Variants in ZDHHC7 observed in about 807,000 individuals in gnomAD.
The protein encoded by ZDHHC7 is palmitoyltransferase ZDHHC7.
ZDHHC7 carries 12 observed loss-of-function variants against 34.1 expected under a neutral mutation model. That is an observed-to-expected ratio of 0.35 (90% confidence interval 0.23 to 0.57). The LOEUF (loss-of-function observed/expected upper bound fraction) is 0.57. Ranked by LOEUF, ZDHHC7 falls within the 20% of genes least tolerant of loss-of-function variation. ZDHHC7 has a pLI of 0.84. For synonymous variants in ZDHHC7, 185 were observed against 155.4 expected, an observed-to-expected ratio of 1.19 and a Z score of -1.42; for missense variants, 388 against 402.7, an observed-to-expected ratio of 0.96 and a Z score of 0.31.
At chr16:84,977,446 G>T (rs1044122016) in intron 6 of ZDHHC7, among the ~76,000 whole-genome samples, 2 of 152,188 alleles carry the variant, frequency 1.3e-5, no homozygotes, top group African/African-American at 2.4e-5. Flanking sequence ...GGTTTCAAAA[G>T]AGTCTGTATT....
chr16:84,984,376 T>C (rs2072410004), intron 3 of ZDHHC7, among the ~76,000 whole-genome samples: 1 of 152,156 alleles, frequency 6.6e-6, no homozygotes, highest in South Asian at 2.1e-4. Context: ...ACTGCTTTGA[T>C]TTATAAAATT....
chr16:84,989,396 T>C (rs1391468292), intron 3 of ZDHHC7, among the ~76,000 whole-genome samples: 3 of 152,208 alleles, frequency 2.0e-5, no homozygotes, highest in African/African-American at 7.2e-5. Flanking sequence ...TTTCAGTTTA[T>C]TCTCAAAAAA....
intron 3 of ZDHHC7, among the ~76,000 whole-genome samples, chr16:84,984,995 C>T (rs955360550): frequency 4.6e-5 from 7 of 152,250 alleles, no homozygotes; most frequent in African/African-American, 1.7e-4. Flanking sequence ...CAGAACAAAC[C>T]TTCCAAGTAA....
the ZDHHC7 span, among the ~76,000 whole-genome samples, chr16:85,017,810 A>G: frequency 6.6e-6 from 1 of 152,204 alleles, no homozygotes; most frequent in South Asian, 2.1e-4. Context: ...TTTATTGCAA[A>G]GGGAAAAGTA....
chr16:84,992,441 CCAGCCTAGT>C (rs1468944263), intron 2 of ZDHHC7, among the ~76,000 whole-genome samples: 1 of 152,196 alleles, frequency 6.6e-6, no homozygotes, highest in Non-Finnish European at 1.5e-5. Context: ...CCACGGCACT[CCAGCCTAGT>C]GACAGAGTGA....
intron 3 of ZDHHC7, among the ~76,000 whole-genome samples, chr16:84,989,734 C>G (rs1338488177): frequency 6.7e-6 from 1 of 150,122 alleles, no homozygotes; most frequent in Non-Finnish European, 1.5e-5. Context: ...TTATTAACGT[C>G]TGGGTACCTT....
chr16:84,980,052 C>A (rs1211358180), intron 4 of ZDHHC7, among the ~76,000 whole-genome samples: 2 of 150,534 alleles, frequency 1.3e-5, no homozygotes, highest in Non-Finnish European at 2.9e-5. Context: ...GCTCTGCCTC[C>A]CGGGTTCACG....
At position 84,976,222 on chromosome 16, in the gene ZDHHC7, A is replaced by T; in HGVS notation, c.*121T>A. The T allele has an allele frequency of 8.0e-7, 1 of 1,256,642 alleles. No individual in the cohort carries two copies. Among genetic ancestry groups the T allele is most frequent in the South Asian group, 1.4e-5 (1 of 72,524 alleles). 77.8% of individuals were successfully genotyped at this position (1,256,642 alleles called of 1,614,324 possible). On this transcript the variant is annotated 3_prime_UTR_variant, in exon 8 of 8. Transcript: ENST00000313732. ...AATATATAAAACTCTGCTTGCTGCAAGCAATTGGTTTGTGTAGGTTCCAGT... is the reference window on the plus strand; with the variant it reads ...AATATATAAAACTCTGCTTGCTGCATGCAATTGGTTTGTGTAGGTTCCAGT...
intron 3 of ZDHHC7, among the ~76,000 whole-genome samples, chr16:84,987,335 G>A (rs1322998703): frequency 6.6e-6 from 1 of 152,222 alleles, no homozygotes; most frequent in African/African-American, 2.4e-5. Context: ...GAGATACACA[G>A]CAAAGACAGT....
chr16:84,990,199 C>A (rs1368839613), intron 3 of ZDHHC7, 105 bp downstream of exon 3: 7 of 1,316,530 alleles, frequency 5.3e-6, no homozygotes, highest in Non-Finnish European at 7.3e-6. Flanking sequence ...GTTCCACACC[C>A]ATGTCAATAT....
intron 1 of ZDHHC7, among the ~76,000 whole-genome samples, chr16:85,004,630 T>C (rs911984394): frequency 6.8e-6 from 1 of 146,824 alleles, no homozygotes; most frequent in African/African-American, 2.4e-5. Flanking sequence ...TGGCTGCTTG[T>C]TCTGCCATCA....
Position 85,011,468 on chromosome 16 carries a change from C to G in ZDHHC7, c.-286G>C, listed in dbSNP as rs1414839135. 1 of 152,180 alleles carries G rather than the reference C, an allele frequency of 6.6e-6. No homozygotes were observed. The highest frequency in any genetic ancestry group is 1.5e-5 in the Non-Finnish European group (1 of 67,996). 9.4% of individuals were successfully genotyped at this position (152,180 alleles called of 1,614,324 possible). A position where few individuals can be genotyped will look rare whatever the true frequency, so the allele number is the denominator to read the frequency against. On this transcript the variant is annotated 5_prime_UTR_variant, in exon 1 of 8. Coordinates refer to ENST00000313732, the MANE Select transcript of ZDHHC7 (RefSeq NM_017740.3). ...TCCCGCCGGGCAGGTCGGAAGGAGG[C>G]TGCAGCCAAGCAAATGCCTCAGCCC...
intron 1 of ZDHHC7, among the ~76,000 whole-genome samples, chr16:84,999,419 T>C (rs2143702817): frequency 6.6e-6 from 1 of 152,302 alleles, no homozygotes; most frequent in East Asian, 1.9e-4. Flanking sequence ...TGTCCGATAC[T>C]GTTCACAGCA....
chr16:84,977,917 A>C lies in ZDHHC7; in HGVS notation c.619+7T>G, dbSNP rs1412986625. On this transcript the variant is annotated splice_region_variant and intron_variant, in intron 6 of 7. Coordinates refer to ENST00000313732, the MANE Select transcript of ZDHHC7 (RefSeq NM_017740.3). ...AGCCAGGAATGACACATAGCCAGGG[A>C]ACTTACCAGTCCACTGCCCTCGGAC... 1 of 1,610,614 alleles carries C rather than the reference A, an allele frequency of 6.2e-7. No individual in the cohort carries two copies. Among genetic ancestry groups the C allele is most frequent in the Non-Finnish European group, 8.5e-7 (1 of 1,176,978 alleles).
chr16:85,005,655 G>C (rs996132730), intron 1 of ZDHHC7, among the ~76,000 whole-genome samples: 1 of 152,182 alleles, frequency 6.6e-6, no homozygotes, highest in Non-Finnish European at 1.5e-5. Flanking sequence ...TTGAATGTTG[G>C]AAATATGGAA....
intron 1 of ZDHHC7, among the ~76,000 whole-genome samples, chr16:84,997,538 TG>T (rs1340999976): frequency 1.1e-4 from 16 of 150,642 alleles, no homozygotes. Flanking sequence ...CCCAAAGTGC[TG>T]GGATTAAAGG....
chr16:84,989,910 G>A (rs1346921999), intron 3 of ZDHHC7, among the ~76,000 whole-genome samples: 2 of 152,148 alleles, frequency 1.3e-5, no homozygotes, highest in African/African-American at 2.4e-5. Context: ...GCCTGCAGCT[G>A]CTGGGCGTCT....
the ZDHHC7 span, among the ~76,000 whole-genome samples, chr16:85,017,585 C>T: frequency 1.3e-5 from 2 of 152,118 alleles, no homozygotes; most frequent in Non-Finnish European, 2.9e-5. Context: ...TAAATTGTGG[C>T]GTATTTGTGC....
chr16:84,978,834 C>A (rs1198746885), intron 5 of ZDHHC7, among the ~76,000 whole-genome samples: 2 of 149,786 alleles, frequency 1.3e-5, no homozygotes, highest in African/African-American at 2.5e-5. Flanking sequence ...TGCACTCCAG[C>A]CTGGGCAACA....
Sources: allele counts gnomAD v4.1 joint callset (sites outside exome capture counted in the v4.1 genomes callset), GRCh38; gene constraint gnomAD v4.1.1; transcripts MANE v1.5; gene names NCBI Gene and HGNC (gene_info 2026-07-23, HGNC 2026-07-21).